EPC2: variants seen among roughly 807,000 people sequenced by gnomAD.
EPC2 encodes the protein enhancer of polycomb homolog 2.
EPC2 carries 14 observed loss-of-function variants against 92.1 expected under a neutral mutation model. The observed-to-expected ratio is 0.15, with a 90% CI of 0.10 to 0.24. The LOEUF (loss-of-function observed/expected upper bound fraction) is 0.24. Among genes scored for constraint, EPC2 ranks in the 10% least tolerant of loss-of-function variants. The pLI, the probability that EPC2 is intolerant of heterozygous loss-of-function variation, is 1.00. For missense variants in EPC2, 755 were observed against 971.5 expected, an observed-to-expected ratio of 0.78 and a Z score of 2.96; for synonymous variants, 340 against 334.7, an observed-to-expected ratio of 1.02 and a Z score of -0.17.
intron 10 of EPC2, among the ~76,000 whole-genome samples, chr2:148,781,179 A>G (rs531406842): frequency 6.6e-6 from 1 of 152,346 alleles, no homozygotes; most frequent in East Asian, 1.9e-4. Context: ...ATCAGAGAAT[A>G]AAGTATTTTC....
intron 1 of EPC2, 22 bp downstream of exon 1, chr2:148,645,192 AC>A (rs747339985): frequency 1.9e-5 from 28 of 1,464,436 alleles, no homozygotes; most frequent in South Asian, 2.4e-5. Context: ...AGTGTTTATT[AC>A]CCCCCCTTCC....
chr2:148,762,871 G>A, intron 6 of EPC2, 69 bp downstream of exon 6: 3 of 1,485,954 alleles, frequency 2.0e-6, no homozygotes, highest in Non-Finnish European at 2.7e-6. Context: ...GATTTCTGCA[G>A]TTGTCTTAAT....
At chr2:148,782,543 AAAC>A (rs139907783) in intron 11 of EPC2, among the ~76,000 whole-genome samples, 20,294 of 150,546 alleles carry the variant, frequency 0.13, 2,049 homozygotes, top group East Asian at 0.43. Flanking sequence ...TCTCCAAAAA[AAAC>A]AAAAAAAATT....
chr2:148,665,446 T>C (rs1478888422), intron 1 of EPC2, among the ~76,000 whole-genome samples: 1 of 152,192 alleles, frequency 6.6e-6, no homozygotes, highest in Non-Finnish European at 1.5e-5. Context: ...TCTAAGTTGA[T>C]GTTGAAGACC....
chr2:148,722,366 T>C (rs1457255409), intron 2 of EPC2, among the ~76,000 whole-genome samples: 1 of 152,092 alleles, frequency 6.6e-6, no homozygotes, highest in Non-Finnish European at 1.5e-5. Flanking sequence ...TTCCCCCAGG[T>C]CTGATAGGCT....
At chr2:148,780,513 G>A (rs1683726653) in intron 10 of EPC2, among the ~76,000 whole-genome samples, 1 of 152,082 alleles carries the variant, frequency 6.6e-6, no homozygotes, top group Admixed American at 6.5e-5. Flanking sequence ...ACTCCTTTAG[G>A]TCATATTGAT....
chr2:148,783,540 A>G, intron 11 of EPC2, 57 bp from the exon 12 acceptor site: 4 of 1,522,502 alleles, frequency 2.6e-6, no homozygotes, highest in Non-Finnish European at 1.8e-6. Context: ...CCATCCCTTA[A>G]TATGTTCATA....
In EPC2 at chr2:148,675,028, C is replaced by T. The variant is rs539424444; in HGVS notation, c.154-15186C>T. Reference sequence around the variant, plus strand: ...TTAGGAACTCTACATGACTGTCATTCCTTCCTTGCCTGTTGCACATTCTGC... The same window carrying T: ...TTAGGAACTCTACATGACTGTCATTTCTTCCTTGCCTGTTGCACATTCTGC... On this transcript the variant is annotated intron_variant, in intron 1 of 13. Coordinates refer to ENST00000258484, the MANE Select transcript of EPC2 (RefSeq NM_015630.4). Among the ~76,000 whole-genome samples the T allele has an allele frequency of 4.9e-4, 75 of 152,298 alleles. 1 individual carries two copies. Among genetic ancestry groups the T allele is most frequent in the African/African-American group, 1.6e-3 (68 of 41,582 alleles).
At chr2:148,645,975 T>A (rs1683790998) in intron 1 of EPC2, among the ~76,000 whole-genome samples, 1 of 152,236 alleles carries the variant, frequency 6.6e-6, no homozygotes, top group African/African-American at 2.4e-5. Context: ...AAATTGGCAG[T>A]TGTAATTTTG....
chr2:148,672,311 C>T (rs997440670), intron 1 of EPC2, among the ~76,000 whole-genome samples: 7 of 152,130 alleles, frequency 4.6e-5, no homozygotes, highest in Non-Finnish European at 1.0e-4. Context: ...CTTTTTCCAT[C>T]TTTTCACTTT....
At chr2:148,782,303 G>A (rs1346938459) in intron 11 of EPC2, among the ~76,000 whole-genome samples, 3 of 152,068 alleles carry the variant, frequency 2.0e-5, no homozygotes, top group African/African-American at 7.2e-5. Flanking sequence ...TTGGGCGGCC[G>A]AGGCGGGCAG....
intron 2 of EPC2, among the ~76,000 whole-genome samples, chr2:148,698,673 G>T (rs1219418553): frequency 4.1e-5 from 5 of 120,552 alleles, no homozygotes; most frequent in South Asian, 3.1e-4. Flanking sequence ...CTGTTTCTCT[G>T]ATAGAAACTA....
rs145645401 is a variant in EPC2 at position 148,678,481 on chromosome 2, G to A, written c.154-11733G>A. On this transcript the variant is annotated intron_variant, in intron 1 of 13. Coordinates refer to ENST00000258484, the MANE Select transcript of EPC2 (RefSeq NM_015630.4). ...CGCTTGTTGAGGAGGCTCGGGCTGC[G>A]CAGGAGCCCATGGAGGGAGTGGGAG... 7.2e-3 allele frequency among the ~76,000 whole-genome samples: 1,090 copies of A among 152,358 alleles called. 5 individuals carry two copies. Among genetic ancestry groups the A allele is most frequent in the African/African-American group, 0.025 (1,024 of 41,590 alleles).
At chr2:148,732,467 G>A (rs1243740192) in intron 2 of EPC2, among the ~76,000 whole-genome samples, 12 of 148,072 alleles carry the variant, frequency 8.1e-5, no homozygotes, top group East Asian at 4.2e-4. Flanking sequence ...TGCAGCCTCC[G>A]CCTCACAGGT....
intron 2 of EPC2, among the ~76,000 whole-genome samples, chr2:148,721,793 CTGT>C (rs1426591193): frequency 7.4e-6 from 1 of 134,346 alleles, no homozygotes; most frequent in Non-Finnish European, 1.5e-5. Flanking sequence ...CAAGATTGTT[CTGT>C]CAGCTGTGTC....
At chr2:148,754,539 A>G (rs1035261163) in intron 4 of EPC2, among the ~76,000 whole-genome samples, 1 of 152,168 alleles carries the variant, frequency 6.6e-6, no homozygotes, top group Non-Finnish European at 1.5e-5. Context: ...GATAACTTGA[A>G]ATACTACTAC....
At position 148,761,715 on chromosome 2, in the gene EPC2, T is replaced by C. The variant is rs185996865; in HGVS notation, c.667-67T>C. On this transcript the variant is annotated intron_variant, in intron 4 of 13. Coordinates refer to ENST00000258484, the MANE Select transcript of EPC2 (RefSeq NM_015630.4). ...GATAAATTCAGGTCTGATAAGAGTT[T>C]ATTGAATAAAGCCGGAAATGTAGAT... The C allele has an allele frequency of 5.0e-3, 5,752 of 1,153,948 alleles. 17 individuals are homozygous for C. The highest frequency in any genetic ancestry group is 6.4e-3 in the Non-Finnish European group (5,423 of 851,970). 71.5% of individuals were successfully genotyped at this position (1,153,948 alleles called of 1,614,324 possible).
intron 2 of EPC2, among the ~76,000 whole-genome samples, chr2:148,741,416 A>G (rs1209920456): frequency 6.6e-6 from 1 of 152,128 alleles, no homozygotes; most frequent in African/African-American, 2.4e-5. Context: ...TGAAGTCTAG[A>G]TTTTTGAGAT....
At chr2:148,712,244 GGTGTGTGT>G (rs760099746) in intron 2 of EPC2, among the ~76,000 whole-genome samples, 1 of 149,442 alleles carries the variant, frequency 6.7e-6, no homozygotes. Flanking sequence ...TGTGTGTGGG[GGTGTGTGT>G]GTGTGTGTGT....
Sources: gnomAD v4.1 joint callset for allele counts (sites outside exome capture counted in the v4.1 genomes callset) on GRCh38, gnomAD v4.1.1 for gene constraint, MANE v1.5 for transcripts, NCBI Gene and HGNC (gene_info 2026-07-23, HGNC 2026-07-21) for gene names.